ADGRV1: variants seen among roughly 807,000 people sequenced by gnomAD.
The protein encoded by ADGRV1 is G-protein coupled receptor 98.
A neutral mutation model predicts 596.2 loss-of-function variants in ADGRV1; 359 were observed. The ratio of observed to expected loss-of-function variants is 0.60; its 90% CI spans 0.55 to 0.66. The LOEUF (loss-of-function observed/expected upper bound fraction) is 0.66. Among genes scored for constraint, ADGRV1 ranks in the 30% least tolerant of loss-of-function variants. The pLI, the probability that ADGRV1 is intolerant of heterozygous loss-of-function variation, is 0.00. For missense variants in ADGRV1, 7,274 were observed against 7,575.6 expected, an observed-to-expected ratio of 0.96 and a Z score of 1.48; for synonymous variants, 2,681 against 2,679.2, an observed-to-expected ratio of 1.00 and a Z score of -0.02.
At chr5:90,707,796 C>T (rs1748799202) in intron 38 of ADGRV1, among the ~76,000 whole-genome samples, 1 of 151,788 alleles carries the variant, frequency 6.6e-6, no homozygotes, top group Admixed American at 6.6e-5. Context: ...TTATTTGATC[C>T]TAGATCTTTG....
At chr5:91,154,909 C>G (rs191873036) in intron 89 of ADGRV1, among the ~76,000 whole-genome samples, 1 of 152,038 alleles carries the variant, frequency 6.6e-6, no homozygotes, top group Non-Finnish European at 1.5e-5. Flanking sequence ...GCCCACCACA[C>G]GTGGAGAATG....
chr5:91,080,588 CAAAA>C lies in ADGRV1; in HGVS notation c.18310+8004_18310+8007del, dbSNP rs10696264. On this transcript the variant is annotated intron_variant, in intron 86 of 89. Transcript: ENST00000405460. ...TTTACACCCAGCTCCGCACACCCTG[CAAAA>C]AAAAAAAAAAAAAAAAAAACTTGAA... Among the ~76,000 whole-genome samples the C allele has an allele frequency of 7.0e-3, 589 of 84,456 alleles. 4 individuals carry two copies. The highest frequency in any genetic ancestry group is 0.028 in the African/African-American group (570 of 20,372). 55.4% of individuals were successfully genotyped at this position (84,456 alleles called of 152,430 possible). A position where few individuals can be genotyped will look rare whatever the true frequency, so the allele number is the denominator to read the frequency against.
intron 1 of ADGRV1, among the ~76,000 whole-genome samples, chr5:90,576,601 T>C (rs570926125): frequency 1.3e-5 from 2 of 152,376 alleles, no homozygotes; most frequent in South Asian, 4.1e-4. Flanking sequence ...TATAGTAGCA[T>C]GATTTATAAT....
rs75976340 is a variant in ADGRV1, at chr5:90,998,210, C to T, written c.18152+12688C>T. On this transcript the variant is annotated intron_variant, in intron 85 of 89. Coordinates refer to ENST00000405460, the MANE Select transcript of ADGRV1 (RefSeq NM_032119.4). ...AGTTAGGAGCTTGTTTTATTTTCAT[C>T]ATAAATGAGAAAGAAAAATGTCTCT... 4.3e-3 allele frequency among the ~76,000 whole-genome samples: 658 copies of T among 152,238 alleles called. 5 individuals are homozygous for T. Among genetic ancestry groups the T allele is most frequent in the African/African-American group, 0.015 (607 of 41,560 alleles).
At chr5:91,051,800 G>A (rs1267674031) in intron 85 of ADGRV1, among the ~76,000 whole-genome samples, 2 of 151,922 alleles carry the variant, frequency 1.3e-5, no homozygotes, top group African/African-American at 2.4e-5. Flanking sequence ...ACTTAAAATG[G>A]GGTTACATCC....
chr5:91,080,588 C>CAAAAAAAAA (rs10696264), intron 86 of ADGRV1, among the ~76,000 whole-genome samples: 5 of 84,484 alleles, frequency 5.9e-5, no homozygotes, highest in African/African-American at 2.0e-4. Context: ...GCACACCCTG[C>CAAAAAAAAA]AAAAAAAAAA....
chr5:90,873,574 C>A (rs893959785), intron 83 of ADGRV1, among the ~76,000 whole-genome samples: 10 of 152,130 alleles, frequency 6.6e-5, no homozygotes, highest in African/African-American at 1.9e-4. Context: ...AGTACAAATT[C>A]TCAATTTTTG....
intron 31 of ADGRV1, 137 bp from the exon 32 acceptor site, chr5:90,692,468 T>C (rs1051734137): frequency 3.1e-6 from 2 of 639,302 alleles, no homozygotes; most frequent in Non-Finnish European, 5.2e-6. Flanking sequence ...AATTGGGGAG[T>C]TCTTTTAGTC....
At chr5:91,044,382 C>T (rs991314671) in intron 85 of ADGRV1, among the ~76,000 whole-genome samples, 3 of 152,150 alleles carry the variant, frequency 2.0e-5, no homozygotes, top group African/African-American at 4.8e-5. Flanking sequence ...AGACAGTTCT[C>T]TACACACAAA....
chr5:90,651,790 G>A, intron 18 of ADGRV1, 60 bp downstream of exon 18: 1 of 1,055,316 alleles, frequency 9.5e-7, no homozygotes, highest in Non-Finnish European at 1.4e-6. Flanking sequence ...TTAAGTATGT[G>A]AAATTCTGAA....
intron 83 of ADGRV1, among the ~76,000 whole-genome samples, chr5:90,962,004 G>T (rs896629143): frequency 6.6e-6 from 1 of 152,160 alleles, no homozygotes; most frequent in African/African-American, 2.4e-5. Context: ...GACTGTGCTC[G>T]ATTTAGCTTT....
rs116850849 is a variant in ADGRV1, at chr5:91,060,849, G to A, written c.18153-11598G>A. ...GGGCTAATTTCCAGGTCAGTGTAAT[G>A]TGGCTACTGTTCTCTAAAATGTGAT... On this transcript the variant is annotated intron_variant, in intron 85 of 89. Coordinates refer to ENST00000405460, the MANE Select transcript of ADGRV1 (RefSeq NM_032119.4). 4.6e-4 allele frequency among the ~76,000 whole-genome samples: 70 copies of A among 152,322 alleles called. No homozygotes were observed. The East Asian group carries it at 0.012, about 26-fold the overall frequency.
chr5:90,838,397 A>T (rs1339877095), intron 77 of ADGRV1, among the ~76,000 whole-genome samples: 1 of 152,078 alleles, frequency 6.6e-6, no homozygotes, highest in African/African-American at 2.4e-5. Context: ...CCTAGCCAGT[A>T]AATGTTGGGA....
chr5:90,821,235 C>T lies in ADGRV1; in HGVS notation c.16197-2190C>T, dbSNP rs1332286759. Among the ~76,000 whole-genome samples, 1,015 of 150,350 alleles carry T rather than the reference C, an allele frequency of 6.8e-3. 30 individuals are homozygous for T. Among genetic ancestry groups the T allele is most frequent in the Admixed American group, 0.055 (824 of 15,118 alleles). ...GCTCCTGAGGCTTCTGCATTCTTCA[C>T]GTAGTTCTCGAGCCTTGGTTTTCAG... On this transcript the variant is annotated intron_variant, in intron 75 of 89. Coordinates refer to ENST00000405460, the MANE Select transcript of ADGRV1 (RefSeq NM_032119.4).
intron 83 of ADGRV1, among the ~76,000 whole-genome samples, chr5:90,921,573 CT>C (rs1773876567): frequency 6.6e-6 from 1 of 152,066 alleles, no homozygotes; most frequent in Non-Finnish European, 1.5e-5. Flanking sequence ...ATTTCTTTTG[CT>C]TTTTCTTTAA....
At chr5:91,113,009 G>C (rs1792510940) in intron 87 of ADGRV1, among the ~76,000 whole-genome samples, 1 of 152,164 alleles carries the variant, frequency 6.6e-6, no homozygotes, top group South Asian at 2.1e-4. Flanking sequence ...AGCTGAGACT[G>C]TAAACCTAGT....
intron 84 of ADGRV1, among the ~76,000 whole-genome samples, chr5:90,974,949 C>T (rs1356385051): frequency 2.0e-5 from 3 of 152,150 alleles, no homozygotes; most frequent in Non-Finnish European, 2.9e-5. Context: ...GCAACCTACT[C>T]ATCTGACAAA....
chr5:90,746,253 G>A (rs1754616454), intron 52 of ADGRV1, among the ~76,000 whole-genome samples: 1 of 149,528 alleles, frequency 6.7e-6, no homozygotes, highest in Non-Finnish European at 1.5e-5. Context: ...GGGGAGGGTG[G>A]AGGAGAGAGA....
chr5:90,675,104 T>G, intron 23 of ADGRV1, 139 bp from the exon 24 acceptor site: 1 of 609,628 alleles, frequency 1.6e-6, no homozygotes, highest in Non-Finnish European at 2.8e-6. Flanking sequence ...AGTTAAATCT[T>G]TGCTAAAATA....
Sources: allele counts gnomAD v4.1 joint callset (sites outside exome capture counted in the v4.1 genomes callset), GRCh38; gene constraint gnomAD v4.1.1; transcripts MANE v1.5; gene names NCBI Gene and HGNC (gene_info 2026-07-23, HGNC 2026-07-21).